PRELID2: variants seen among roughly 807,000 people sequenced by gnomAD.
PRELID2 encodes the protein PRELI domain-containing protein 2.
A neutral mutation model predicts 28.4 loss-of-function variants in PRELID2; 25 were observed. The ratio of observed to expected loss-of-function variants is 0.88; its 90% CI spans 0.64 to 1.23. PRELID2 has a LOEUF of 1.23. PRELID2 is among the 50% of genes most tolerant of loss of function. The pLI is 0.00. For synonymous variants in PRELID2, 76 were observed against 71.6 expected (o/e 1.06, Z -0.31); for missense variants, 201 against 214.4 (o/e 0.94, Z 0.39).
intron 1 of PRELID2, among the ~76,000 whole-genome samples, chr5:145,525,201 G>A (rs1397774120): frequency 6.6e-6 from 1 of 152,150 alleles, no homozygotes; most frequent in Non-Finnish European, 1.5e-5. Context: ...ATCAGACAGT[G>A]AGTGACAGGC....
At chr5:145,411,020 A>C in the PRELID2 span, among the ~76,000 whole-genome samples, 1 of 152,070 alleles carries the variant, frequency 6.6e-6, no homozygotes, top group Admixed American at 6.6e-5. Flanking sequence ...AAATTGGCCA[A>C]AATAAAGGGC....
At chr5:145,328,089 C>G in the PRELID2 span, among the ~76,000 whole-genome samples, 1 of 152,130 alleles carries the variant, frequency 6.6e-6, no homozygotes. Flanking sequence ...CCAGCTTCAT[C>G]CATGTCCCTG....
intron 4 of PRELID2, among the ~76,000 whole-genome samples, chr5:145,807,441 T>G (rs1753588976): frequency 6.6e-6 from 1 of 152,196 alleles, no homozygotes; most frequent in African/African-American, 2.4e-5. Context: ...CTTACATTTA[T>G]TCGGTGCTTC....
intron 1 of PRELID2, among the ~76,000 whole-genome samples, chr5:145,476,318 T>C (rs1166045060): frequency 2.6e-5 from 4 of 152,344 alleles, no homozygotes; most frequent in East Asian, 1.9e-4. Flanking sequence ...TTATGTGACA[T>C]GCGTAAAGTA....
At chr5:145,677,300 G>A (rs1197917333) in intron 1 of PRELID2, among the ~76,000 whole-genome samples, 5 of 151,590 alleles carry the variant, frequency 3.3e-5, no homozygotes, top group East Asian at 1.9e-4. Context: ...GACTACTGCC[G>A]TGTGCCACCA....
rs1754207977 is a variant in PRELID2 at position 145,815,109 on chromosome 5, C to T, written c.368+2785G>A. Among the ~76,000 whole-genome samples, 3 of 152,150 alleles carry T rather than the reference C, an allele frequency of 2.0e-5. No individual in the cohort carries two copies. The South Asian group carries it at 6.2e-4, about 32-fold the overall frequency. ...TTTTCATGAGGTCATGAGTTAGAGA[C>T]TGCATTTTGGGATTGGTGTCCTTAT... is the stretch of plus-strand genomic sequence containing the variant. On this transcript the variant is annotated intron_variant, in intron 4 of 6. Coordinates refer to ENST00000683046, the MANE Select transcript of PRELID2 (RefSeq NM_205846.3).
intron 1 of PRELID2, among the ~76,000 whole-genome samples, chr5:145,569,014 C>T (rs560210494): frequency 1.3e-5 from 2 of 152,320 alleles, no homozygotes; most frequent in Non-Finnish European, 2.9e-5. Flanking sequence ...ATGCTTCCTT[C>T]ATGCTGTTTC....
chr5:145,541,729 T>G (rs1752747071), intron 1 of PRELID2, among the ~76,000 whole-genome samples: 1 of 152,066 alleles, frequency 6.6e-6, no homozygotes, highest in Non-Finnish European at 1.5e-5. Flanking sequence ...ATGAATTCTT[T>G]TCTTTATTGC....
At chr5:145,606,037 T>C (rs893313301) in intron 1 of PRELID2, among the ~76,000 whole-genome samples, 13 of 152,102 alleles carry the variant, frequency 8.5e-5, no homozygotes, top group Non-Finnish European at 1.8e-4. Context: ...TTATTATTAA[T>C]GGGATTGCAT....
At chr5:145,602,494 A>C (rs1753411925) in intron 1 of PRELID2, among the ~76,000 whole-genome samples, 2 of 152,182 alleles carry the variant, frequency 1.3e-5, no homozygotes, top group African/African-American at 4.8e-5. Flanking sequence ...GGAAGACAAC[A>C]GACAACAGAA....
At chr5:145,724,606 T>A (rs1193014413) in intron 1 of PRELID2, among the ~76,000 whole-genome samples, 18 of 38,592 alleles carry the variant, frequency 4.7e-4, no homozygotes, top group African/African-American at 3.2e-3. Flanking sequence ...AATAAATATA[T>A]ATATATATAT....
the PRELID2 span, among the ~76,000 whole-genome samples, chr5:145,351,704 G>T: frequency 6.6e-6 from 1 of 152,022 alleles, no homozygotes; most frequent in Non-Finnish European, 1.5e-5. Flanking sequence ...CAAGTCCCAG[G>T]TCTCATCTGA....
At chr5:145,686,717 G>A (rs912132292) in intron 1 of PRELID2, among the ~76,000 whole-genome samples, 2 of 152,100 alleles carry the variant, frequency 1.3e-5, no homozygotes, top group African/African-American at 2.4e-5. Flanking sequence ...TTTTGTTTCC[G>A]CCATTTCTTG....
chr5:145,829,016 T>A (rs1288652883), intron 1 of PRELID2, among the ~76,000 whole-genome samples: 1 of 151,512 alleles, frequency 6.6e-6, no homozygotes, highest in Non-Finnish European at 1.5e-5. Flanking sequence ...TTTTGGGGGT[T>A]TTTTGTTTTT....
chr5:145,245,574 G>T, the PRELID2 span, among the ~76,000 whole-genome samples: 3 of 152,228 alleles, frequency 2.0e-5, no homozygotes, highest in Non-Finnish European at 1.5e-5. Flanking sequence ...TAACTTAAGA[G>T]TGAGAAAAAG....
intron 1 of PRELID2, among the ~76,000 whole-genome samples, chr5:145,556,918 T>C (rs937363968): frequency 6.6e-6 from 1 of 152,162 alleles, no homozygotes; most frequent in Admixed American, 6.5e-5. Flanking sequence ...TTTTTCTTTT[T>C]TCAGGGAAGC....
chr5:145,232,059 A>G, the PRELID2 span, among the ~76,000 whole-genome samples: 2 of 152,130 alleles, frequency 1.3e-5, no homozygotes, highest in African/African-American at 4.8e-5. Flanking sequence ...TTTTAAAAAC[A>G]CATTGAAACT....
chr5:145,657,054 T>C (rs1174714850), intron 1 of PRELID2, among the ~76,000 whole-genome samples: 1 of 152,156 alleles, frequency 6.6e-6, no homozygotes, highest in Non-Finnish European at 1.5e-5. Flanking sequence ...TAAATATTAG[T>C]TTAATTATAA....
intron 1 of PRELID2, among the ~76,000 whole-genome samples, chr5:145,645,023 T>C (rs1754173788): frequency 6.6e-6 from 1 of 152,226 alleles, no homozygotes; most frequent in Non-Finnish European, 1.5e-5. Flanking sequence ...TGTAGATGTC[T>C]ATTAAGTCCA....
Sources: allele counts gnomAD v4.1 joint callset (sites outside exome capture counted in the v4.1 genomes callset), GRCh38; gene constraint gnomAD v4.1.1; transcripts MANE v1.5; gene names NCBI Gene and HGNC (gene_info 2026-07-23, HGNC 2026-07-21).